Variants in PECR observed in about 807,000 individuals in gnomAD.
PECR encodes the protein 2,4-dienoyl-CoA reductase-related protein.
PECR carries 30 observed loss-of-function variants against 35.3 expected under a neutral mutation model. That is an observed-to-expected ratio of 0.85 (90% CI 0.64 to 1.15). PECR has a LOEUF of 1.15. PECR is among the 50% of genes most tolerant of loss of function. PECR has a pLI of 0.00. For missense variants in PECR, 392 were observed against 370.8 expected (o/e 1.06, Z -0.47); for synonymous variants, 148 against 138.9 (o/e 1.07, Z -0.46).
At position 216,066,369 on chromosome 2, in the gene PECR, G is replaced by A. The variant is rs765129562; in HGVS notation, c.258+16C>T. 3.1e-6 allele frequency: 5 copies of A among 1,603,846 alleles called. No individual in the cohort carries two copies. The highest frequency in any genetic ancestry group is 1.1e-5 in the South Asian group (1 of 90,858). The stretch of plus-strand genomic sequence containing the variant: ...TTACAATGAATGAATAAATGATACA[G>A]ATATATCTCCATTACCTCCTCCTCA... On this transcript the variant is annotated intron_variant, in intron 2 of 7. Coordinates refer to ENST00000265322, the MANE Select transcript of PECR (RefSeq NM_018441.6).
chr2:216,033,332 A>G (rs1246074988), intron 7 of PECR, among the ~76,000 whole-genome samples: 8 of 152,196 alleles, frequency 5.3e-5, no homozygotes. Context: ...GTTGAATAAA[A>G]TGACCAGTAA....
chr2:216,035,646 C>A (rs564924208), downstream of PECR, among the ~76,000 whole-genome samples: 1 of 152,008 alleles, frequency 6.6e-6, no homozygotes, highest in Non-Finnish European at 1.5e-5. Flanking sequence ...GCCACCAGGC[C>A]GGCTAATTTT....
intron 3 of PECR, among the ~76,000 whole-genome samples, chr2:216,061,689 A>AT (rs1351779006): frequency 3.9e-5 from 6 of 152,002 alleles, no homozygotes; most frequent in African/African-American, 9.7e-5. Flanking sequence ...AAAAGTATGG[A>AT]TTTTTTTTAG....
intron 1 of PECR, among the ~76,000 whole-genome samples, chr2:216,067,220 C>T (rs1553562642): frequency 6.6e-6 from 1 of 152,032 alleles, no homozygotes; most frequent in Non-Finnish European, 1.5e-5. Context: ...ATACAGAGAG[C>T]GAGAACTCCA....
At chr2:216,041,588 A>T (rs1318167472) in intron 7 of PECR, among the ~76,000 whole-genome samples, 4 of 152,198 alleles carry the variant, frequency 2.6e-5, no homozygotes, top group Non-Finnish European at 5.9e-5. Flanking sequence ...TAGACTCGCC[A>T]AAGTGATGTG....
chr2:216,074,537 G>GAAGA (rs1553563168), intron 1 of PECR, among the ~76,000 whole-genome samples: 1 of 127,696 alleles, frequency 7.8e-6, no homozygotes, highest in East Asian at 2.2e-4. Flanking sequence ...AGGAAGGAAG[G>GAAGA]AAGAAAGGAA....
chr2:216,081,805 C>CGGGCGGGCGGACA lies in PECR; in HGVS notation c.-65_-64insTGTCCGCCCGCCC. The CGGGCGGGCGGACA allele has an allele frequency of 6.3e-7, 1 of 1,576,440 alleles. No individual in the cohort carries two copies. Among genetic ancestry groups the CGGGCGGGCGGACA allele is most frequent in the Non-Finnish European group, 8.6e-7 (1 of 1,163,354 alleles). On this transcript the variant is annotated 5_prime_UTR_variant, in exon 1 of 8. Transcript: ENST00000265322. ...TTCTGGGTCTCAGGGACATTCGAGG[C>CGGGCGGGCGGACA]GGGCGGGCGGACAGGGCGGTGCTCG...
Position 216,039,121 on chromosome 2 carries a change from A to G in PECR, c.*154T>C. ...CTCTGATTGGGACATAAGACTGTAT[A>G]TATTTCAGGAATAGTTTTTCCATAG... On this transcript the variant is annotated 3_prime_UTR_variant, in exon 8 of 8. Coordinates refer to ENST00000265322, the MANE Select transcript of PECR (RefSeq NM_018441.6). 2 of 623,264 alleles carry G rather than the reference A, an allele frequency of 3.2e-6. No homozygotes were observed. The highest frequency in any genetic ancestry group is 2.9e-6 in the Non-Finnish European group (1 of 344,998). The allele number at this position is 623,264 out of a possible 1,614,324, so 38.6% of individuals were successfully genotyped here. A position where few individuals can be genotyped will look rare whatever the true frequency, so the allele number is the denominator to read the frequency against.
chr2:216,066,398 C>A lies in PECR; in HGVS notation c.245G>T (p.Arg82Leu). Reference sequence around the variant, plus strand: ...TATCTCCATTACCTCCTCCTCATTCCGGATGTTGCATTGTATGGGAATGAC... The same window carrying A: ...TATCTCCATTACCTCCTCCTCATTCAGGATGTTGCATTGTATGGGAATGAC... ...ARVIPIQCNI[R>L]NEEEVNNLVK... The change falls in exon 2 of 8, where the codon CGG (arginine) becomes CTG (leucine). Residue 82 changes from arginine (R) to leucine (L), a missense_variant. Physicochemically the swap from Arg to Leu is moderately radical, Grantham distance 102. Transcript: ENST00000265322. 6.2e-7 allele frequency: 1 copy of A among 1,613,226 alleles called. No homozygotes were observed. Among genetic ancestry groups the A allele is most frequent in the African/African-American group, 1.3e-5 (1 of 75,006 alleles).
At chr2:216,061,297 G>A (rs552561604) in intron 3 of PECR, among the ~76,000 whole-genome samples, 2 of 97,838 alleles carry the variant, frequency 2.0e-5, no homozygotes, top group African/African-American at 4.0e-5. Context: ...AGGTGACAGA[G>A]TGAAACCCTG....
downstream of PECR, chr2:216,034,122 A>G (rs1694754904): frequency 6.6e-6 from 1 of 152,190 alleles, no homozygotes; most frequent in Non-Finnish European, 1.5e-5. Flanking sequence ...CTTGCATCCT[A>G]AGAAGCCACT....
intron 6 of PECR, among the ~76,000 whole-genome samples, chr2:216,046,248 C>A (rs895569491): frequency 4.3e-5 from 6 of 138,674 alleles, no homozygotes; most frequent in Non-Finnish European, 6.1e-5. Flanking sequence ...TCTAATACAG[C>A]AAATATAGAT....
At chr2:216,046,967 G>A (rs952498500) in intron 6 of PECR, among the ~76,000 whole-genome samples, 8 of 152,022 alleles carry the variant, frequency 5.3e-5, no homozygotes, top group Non-Finnish European at 1.0e-4. Context: ...TTCTGTTTTC[G>A]TAAAAAAGTC....
chr2:216,070,867 C>T (rs192370142), intron 1 of PECR, among the ~76,000 whole-genome samples: 292 of 152,312 alleles, frequency 1.9e-3, no homozygotes, highest in African/African-American at 6.6e-3. Context: ...CCTCAGCATT[C>T]CTTCAAGGGT....
chr2:216,039,297 A>C lies in PECR; in HGVS notation c.890T>G (p.Phe297Cys), dbSNP rs755000274. The change falls in exon 8 of 8, where the codon TTT becomes TGT. Residue 297 changes from phenylalanine (F) to cysteine (C), a missense_variant. Transcript: ENST00000265322. ...AGCTCAGAGCTTAGCTTTCTCCTTA[A>C]AGGTCTCCTTCATCTTTTTGACAAC... is the stretch of plus-strand genomic sequence containing the variant. ...LSVVKKMKET[F>C]KEKAKL 2.5e-6 allele frequency: 4 copies of C among 1,604,004 alleles called. No homozygotes were observed. Among genetic ancestry groups the C allele is most frequent in the Non-Finnish European group, 2.6e-6 (3 of 1,170,908 alleles).
At chr2:216,043,088 C>T (rs1437372248) in intron 7 of PECR, among the ~76,000 whole-genome samples, 1 of 138,102 alleles carries the variant, frequency 7.2e-6, no homozygotes, top group Non-Finnish European at 1.6e-5. Flanking sequence ...TATACACATA[C>T]ATATATATGT....
intron 6 of PECR, among the ~76,000 whole-genome samples, chr2:216,046,178 T>C (rs1298352225): frequency 6.6e-6 from 1 of 150,500 alleles, no homozygotes; most frequent in South Asian, 2.1e-4. Context: ...TGTTAACATG[T>C]ACTCCTTTAT....
chr2:216,076,691 G>A (rs999993862), intron 1 of PECR, among the ~76,000 whole-genome samples: 4 of 151,710 alleles, frequency 2.6e-5, no homozygotes, highest in Non-Finnish European at 4.4e-5. Context: ...TCCCAGCTAC[G>A]TGGCAGGCTG....
At chr2:216,036,252 G>A (rs568896190), downstream of PECR, among the ~76,000 whole-genome samples, 5 of 152,366 alleles carry the variant, frequency 3.3e-5, no homozygotes, top group East Asian at 9.6e-4. Flanking sequence ...GGCCAGGATG[G>A]AGTGCTTGCT....
Sources: gnomAD v4.1 joint callset for allele counts (sites outside exome capture counted in the v4.1 genomes callset) on GRCh38, gnomAD v4.1.1 for gene constraint, MANE v1.5 for transcripts, NCBI Gene and HGNC (gene_info 2026-07-23, HGNC 2026-07-21) for gene names.